CACNB2: variants seen among roughly 807,000 people sequenced by gnomAD.
CACNB2 encodes the protein calcium voltage-gated channel auxiliary subunit beta 2, also known as voltage-dependent L-type calcium channel subunit beta-2.
Under a neutral mutation model 73.3 loss-of-function variants are expected in CACNB2, and 42 were observed. The observed-to-expected ratio is 0.57, with a 90% CI of 0.45 to 0.74. CACNB2 has a LOEUF of 0.74. CACNB2 is among the 30% of genes least tolerant of loss of function. The pLI is 0.00. For synonymous variants in CACNB2, 348 were observed against 310.3 expected, an observed-to-expected ratio of 1.12 and a Z score of -1.28; for missense variants, 940 against 853.0, an observed-to-expected ratio of 1.10 and a Z score of -1.27.
At chr10:18,281,068 A>G (rs1291518638) in intron 2 of CACNB2, among the ~76,000 whole-genome samples, 3 of 152,206 alleles carry the variant, frequency 2.0e-5, no homozygotes, top group Admixed American at 6.5e-5. Flanking sequence ...ACCCTGGGCT[A>G]TCTGACTTGA....
At chr10:18,485,899 A>T (rs943080799) in intron 3 of CACNB2, among the ~76,000 whole-genome samples, 3 of 145,422 alleles carry the variant, frequency 2.1e-5, no homozygotes, top group Non-Finnish European at 3.0e-5. Context: ...GTCTCTTACA[A>T]TAGGGATCTG....
At chr10:18,528,566 C>T (rs958165322) in intron 10 of CACNB2, among the ~76,000 whole-genome samples, 2 of 152,054 alleles carry the variant, frequency 1.3e-5, no homozygotes, top group Non-Finnish European at 2.9e-5. Flanking sequence ...AGAAGTTCTT[C>T]GTTTACTCTG....
In CACNB2 at chr10:18,400,838, G is replaced by A. The variant is rs527624440; in HGVS notation, c.214-1086G>A. ...GTGTGTTTTCAGCCCCTCCTGGAAT[G>A]GGAAAATAAGAATCTCCCTGGATGG... On this transcript the variant is annotated intron_variant, in intron 2 of 13. Transcript: ENST00000324631. 1.0e-5 allele frequency: 15 copies of A among 1,462,096 alleles called. No homozygotes were observed. The South Asian group carries it at 2.1e-4, about 21-fold the overall frequency. The allele number at this position is 1,462,096 out of a possible 1,614,324, so 90.6% of individuals were successfully genotyped here. A position where few individuals can be genotyped will look rare whatever the true frequency, so the allele number is the denominator to read the frequency against.
At chr10:18,354,585 G>A (rs72786029) in intron 2 of CACNB2, among the ~76,000 whole-genome samples, 37 of 152,178 alleles carry the variant, frequency 2.4e-4, no homozygotes, top group Middle Eastern at 6.8e-3. Context: ...GTTATTTTGT[G>A]GTGTTTTTGT....
chr10:18,310,716 A>G (rs1362660354), intron 2 of CACNB2, among the ~76,000 whole-genome samples: 1 of 148,338 alleles, frequency 6.7e-6, no homozygotes, highest in African/African-American at 2.5e-5. Flanking sequence ...AGTAGCTGGG[A>G]TTACAGGCAT....
chr10:18,340,267 T>G (rs1183061612), intron 2 of CACNB2, among the ~76,000 whole-genome samples: 1 of 152,172 alleles, frequency 6.6e-6, no homozygotes, highest in African/African-American at 2.4e-5. Flanking sequence ...AAGTTTTTAA[T>G]TTACAAAAGG....
At chr10:18,435,301 C>A (rs1201459466) in intron 3 of CACNB2, among the ~76,000 whole-genome samples, 1 of 152,068 alleles carries the variant, frequency 6.6e-6, no homozygotes, top group Non-Finnish European at 1.5e-5. Context: ...ATAGGCAATC[C>A]AACATATTTC....
At chr10:18,296,384 G>A (rs971920916) in intron 2 of CACNB2, among the ~76,000 whole-genome samples, 7 of 151,964 alleles carry the variant, frequency 4.6e-5, no homozygotes, top group Middle Eastern at 3.2e-3. Context: ...AGTGTGTCTG[G>A]TGATACAGAT....
intron 2 of CACNB2, among the ~76,000 whole-genome samples, chr10:18,348,251 G>A (rs2041551651): frequency 6.6e-6 from 1 of 152,014 alleles, no homozygotes; most frequent in Non-Finnish European, 1.5e-5. Context: ...GAACTCTCCG[G>A]GTAAAAGATC....
chr10:18,421,670 G>T (rs1016581467), intron 3 of CACNB2, among the ~76,000 whole-genome samples: 5 of 152,076 alleles, frequency 3.3e-5, no homozygotes, highest in Non-Finnish European at 7.4e-5. Flanking sequence ...TTGAATATAT[G>T]ATATGAATCT....
intron 2 of CACNB2, among the ~76,000 whole-genome samples, chr10:18,154,787 A>C (rs941954265): frequency 2.0e-5 from 3 of 152,162 alleles, no homozygotes; most frequent in Non-Finnish European, 4.4e-5. Flanking sequence ...TTAAGAAGAC[A>C]AAAAGAGAAT....
chr10:18,260,362 A>G, intron 2 of CACNB2: 7 of 864,884 alleles, frequency 8.1e-6, no homozygotes, highest in Non-Finnish European at 9.7e-6. Context: ...GATCTAATGA[A>G]TTAATGAGGT....
At chr10:18,274,304 A>G (rs936435429) in intron 2 of CACNB2, among the ~76,000 whole-genome samples, 15 of 152,232 alleles carry the variant, frequency 9.9e-5, no homozygotes, top group African/African-American at 3.1e-4. Context: ...TCAAACTGTA[A>G]GTAACTATCA....
At chr10:18,409,708 G>A (rs2044508209) in intron 3 of CACNB2, among the ~76,000 whole-genome samples, 2 of 152,172 alleles carry the variant, frequency 1.3e-5, no homozygotes, top group African/African-American at 4.8e-5. Context: ...GGGAGGGACT[G>A]AAGAACTGGT....
chr10:18,366,941 T>C (rs2042379289), intron 2 of CACNB2, among the ~76,000 whole-genome samples: 1 of 152,200 alleles, frequency 6.6e-6, no homozygotes, highest in Non-Finnish European at 1.5e-5. Context: ...GAAACTAGTA[T>C]CACTATATTC....
rs150663112 is a variant in CACNB2, at chr10:18,243,329, C to A, written c.213+92354C>A. 2.8e-3 allele frequency among the ~76,000 whole-genome samples: 420 copies of A among 151,994 alleles called. 1 individual carries two copies. Among genetic ancestry groups the A allele is most frequent in the African/African-American group, 9.6e-3 (400 of 41,466 alleles). On this transcript the variant is annotated intron_variant, in intron 2 of 13. Coordinates refer to ENST00000324631, the MANE Select transcript of CACNB2 (RefSeq NM_201596.3). ...GAAATAAAGGTGATTCATAGGAGTC[C>A]TGGGTAGGCCCAGGTAAGTTGGAGA...
chr10:18,249,086 C>G (rs2036984215), intron 2 of CACNB2, among the ~76,000 whole-genome samples: 1 of 152,182 alleles, frequency 6.6e-6, no homozygotes, highest in Non-Finnish European at 1.5e-5. Flanking sequence ...GCAACAGTTT[C>G]TCCCATCTCC....
intron 3 of CACNB2, among the ~76,000 whole-genome samples, chr10:18,411,300 A>T (rs957314762): frequency 6.6e-6 from 1 of 152,144 alleles, no homozygotes; most frequent in Non-Finnish European, 1.5e-5. Context: ...GACCTCTGTT[A>T]GGCTTCTCTT....
At chr10:18,507,644 A>AAAT (rs1449808045) in intron 6 of CACNB2, among the ~76,000 whole-genome samples, 199 of 152,306 alleles carry the variant, frequency 1.3e-3, no homozygotes, top group African/African-American at 4.3e-3. Flanking sequence ...TGCAAAAAAA[A>AAAT]GCACATGATC....
Sources: allele counts gnomAD v4.1 joint callset (sites outside exome capture counted in the v4.1 genomes callset), GRCh38; gene constraint gnomAD v4.1.1; transcripts MANE v1.5; gene names NCBI Gene and HGNC (gene_info 2026-07-23, HGNC 2026-07-21).